The following ZNF765 variants were observed in gnomAD, a reference collection of about 807,000 sequenced individuals.
The protein encoded by ZNF765 is zinc finger protein 765.
A neutral mutation model predicts 44.7 loss-of-function variants in ZNF765; 37 were observed. The observed-to-expected ratio is 0.83, with a 90% CI of 0.64 to 1.09. The LOEUF (loss-of-function observed/expected upper bound fraction) is 1.09. ZNF765 is among the 50% of genes least tolerant of loss of function. The probability of loss-of-function intolerance (pLI) is 0.00; values close to 1 mark genes in which losing one functional copy is unlikely to be tolerated. For missense variants in ZNF765, 594 were observed against 626.1 expected, an observed-to-expected ratio of 0.95 and a Z score of 0.55; for synonymous variants, 201 against 213.7, an observed-to-expected ratio of 0.94 and a Z score of 0.52.
chr19:53,414,495 C>CACCACCACCACCACCACCACCA (rs1568786172), downstream of ZNF765, among the ~76,000 whole-genome samples: 2 of 16,912 alleles, frequency 1.2e-4, no homozygotes, highest in Admixed American at 4.1e-4. Context: ...ACACACCCCC[C>CACCACCACCACCACCACCACCA]CCCCCCCCCC....
chr19:53,401,045 G>A (rs1323223171), intron 2 of ZNF765, among the ~76,000 whole-genome samples: 1 of 151,056 alleles, frequency 6.6e-6, no homozygotes, highest in African/African-American at 2.4e-5. Flanking sequence ...CTGTTGCCCA[G>A]ACTGTAGTGC....
chr19:53,404,646 G>C (rs2085758471), intron 3 of ZNF765, among the ~76,000 whole-genome samples: 1 of 151,920 alleles, frequency 6.6e-6, no homozygotes, highest in South Asian at 2.1e-4. Context: ...TGTTTGTGTA[G>C]AAATGGGGTT....
At chr19:53,418,310 G>C (rs2085886946) in intron 3 of ZNF765, among the ~76,000 whole-genome samples, 1 of 152,030 alleles carries the variant, frequency 6.6e-6, no homozygotes, top group South Asian at 2.1e-4. Context: ...CTGCATTCCA[G>C]CCTGGGTGAC....
Position 53,411,231 on chromosome 19 carries a change from C to CCAACAGACGTGAGCCA in ZNF765, c.*2105_*2120dup, listed in dbSNP as rs2085830687. 6.5e-6 allele frequency: 1 copy of CCAACAGACGTGAGCCA among 153,124 alleles called. No homozygotes were observed. Among genetic ancestry groups the CCAACAGACGTGAGCCA allele is most frequent in the Non-Finnish European group, 1.5e-5 (1 of 68,936 alleles). 9.5% of individuals were successfully genotyped at this position (153,124 alleles called of 1,614,324 possible). ...GTTCAGGAGTTTGAGGTCAGCCTGGCCAACAGACGTGAGCCATTTTCCCAG... is the reference window on the plus strand; with the variant it reads ...GTTCAGGAGTTTGAGGTCAGCCTGGCCAACAGACGTGAGCCACAACAGACGTGAGCCATTTTCCCAG... On this transcript the variant is annotated 3_prime_UTR_variant, in exon 4 of 4. Transcript: ENST00000396408.
chr19:53,425,087 G>A (rs1190285734), exon 4 of ZNF765: 1 of 152,264 alleles, frequency 6.6e-6, no homozygotes, highest in East Asian at 1.9e-4. Flanking sequence ...GAAAGGACAA[G>A]GAGTCCCCGA....
rs147395748 is a variant in ZNF765, at chr19:53,396,199, G to C, written c.-74+1006G>C. Among the ~76,000 whole-genome samples the C allele has an allele frequency of 7.7e-3, 1,166 of 152,066 alleles. 10 individuals carry two copies. Among genetic ancestry groups the C allele is most frequent in the African/African-American group, 0.024 (990 of 41,420 alleles). ...GGTGGCAAGGAGAACAGAGGGAGAA[G>C]CACAGCAGGGAGGACACCTGGGGAT... On this transcript the variant is annotated intron_variant, in intron 1 of 3. Coordinates refer to ENST00000396408, the MANE Select transcript of ZNF765 (RefSeq NM_001040185.3).
chr19:53,402,879 A>T (rs768403677), intron 3 of ZNF765, among the ~76,000 whole-genome samples: 43 of 152,024 alleles, frequency 2.8e-4, no homozygotes, highest in Non-Finnish European at 5.3e-4. Context: ...TATTTTAAAA[A>T]TTTTTGCATA....
intron 3 of ZNF765, among the ~76,000 whole-genome samples, chr19:53,405,954 A>AT (rs2085771578): frequency 1.7e-5 from 1 of 57,834 alleles, no homozygotes; most frequent in Non-Finnish European, 3.8e-5. Context: ...TATATATAAA[A>AT]TTGCTGTATT....
In ZNF765 at chr19:53,400,767, T is replaced by C. The variant is rs113560236; in HGVS notation, c.16-1298T>C. Among the ~76,000 whole-genome samples the C allele has an allele frequency of 2.3e-3, 12 of 5,168 alleles. 1 individual carries two copies. The highest frequency in any genetic ancestry group is 3.7e-3 in the Non-Finnish European group (5 of 1,342). 3.4% of individuals were successfully genotyped at this position (5,168 alleles called of 152,430 possible). On this transcript the variant is annotated intron_variant, in intron 2 of 3. Coordinates refer to ENST00000396408, the MANE Select transcript of ZNF765 (RefSeq NM_001040185.3). ...GTAGGTTTCATTATTTGTTGACATA[T>C]ATATATATATATATATACACACATA... is the stretch of plus-strand genomic sequence containing the variant.
intron 3 of ZNF765, among the ~76,000 whole-genome samples, chr19:53,402,784 G>A (rs2085740221): frequency 6.6e-6 from 1 of 152,004 alleles, no homozygotes; most frequent in South Asian, 2.1e-4. Flanking sequence ...AATTCATCCT[G>A]ATCTCCTGGG....
chr19:53,416,194 T>C (rs2085874083), downstream of ZNF765, among the ~76,000 whole-genome samples: 1 of 152,180 alleles, frequency 6.6e-6, no homozygotes, highest in African/African-American at 2.4e-5. Flanking sequence ...CCTCAAGTGA[T>C]CCACCCACCT....
intron 3 of ZNF765, 60 bp downstream of exon 3, chr19:53,402,251 T>C (rs2085734526): frequency 1.3e-4 from 6 of 46,380 alleles, no homozygotes; most frequent in Non-Finnish European, 2.1e-4. Flanking sequence ...TTCTCTCCTT[T>C]TTTTTTTTTT....
intron 3 of ZNF765, among the ~76,000 whole-genome samples, chr19:53,406,650 C>T (rs935086732): frequency 1.3e-5 from 2 of 152,218 alleles, no homozygotes; most frequent in Non-Finnish European, 2.9e-5. Context: ...TGCTGTGGCT[C>T]ACGCCTGCAA....
At chr19:53,400,215 C>T (rs562668983) in intron 2 of ZNF765, among the ~76,000 whole-genome samples, 2 of 152,114 alleles carry the variant, frequency 1.3e-5, no homozygotes, top group Admixed American at 1.3e-4. Flanking sequence ...TATTTTACTT[C>T]GATATTTGAT....
At chr19:53,398,147 A>C in intron 2 of ZNF765, 117 bp downstream of exon 2, 3 of 1,558,462 alleles carry the variant, frequency 1.9e-6, no homozygotes, top group Non-Finnish European at 2.6e-6. Context: ...GCTCGCACTC[A>C]CCCATGCCTT....
intron 3 of ZNF765, among the ~76,000 whole-genome samples, chr19:53,418,063 A>C (rs2085885449): frequency 6.6e-6 from 1 of 152,220 alleles, no homozygotes; most frequent in Admixed American, 6.5e-5. Context: ...GAATTAGTAC[A>C]TGTTTTCTTG....
exon 4 of ZNF765, chr19:53,425,923 C>T (rs1213213589): frequency 6.6e-6 from 1 of 152,326 alleles, no homozygotes; most frequent in Non-Finnish European, 1.5e-5. Flanking sequence ...CATGGTGAAA[C>T]CCCGTCTCTA....
At chr19:53,403,547 CA>C (rs2085747929) in intron 3 of ZNF765, among the ~76,000 whole-genome samples, 1 of 152,184 alleles carries the variant, frequency 6.6e-6, no homozygotes, top group Non-Finnish European at 1.5e-5. Context: ...CTCCGCCTTT[CA>C]GGCTCAAACA....
At chr19:53,403,829 G>A (rs1182944630) in intron 3 of ZNF765, among the ~76,000 whole-genome samples, 3 of 104,892 alleles carry the variant, frequency 2.9e-5, no homozygotes, top group Non-Finnish European at 5.7e-5. Context: ...GTGACAGCAC[G>A]AGACTCTGTC....
Sources: gnomAD v4.1 joint callset for allele counts (sites outside exome capture counted in the v4.1 genomes callset) on GRCh38, gnomAD v4.1.1 for gene constraint, MANE v1.5 for transcripts, NCBI Gene and HGNC (gene_info 2026-07-23, HGNC 2026-07-21) for gene names.